The following ARHGAP15 variants were observed in gnomAD, a reference collection of about 807,000 sequenced individuals.
ARHGAP15 encodes Rho GTPase activating protein 15.
In ARHGAP15, 51 loss-of-function variants were observed where a neutral mutation model predicts 63.7. The observed-to-expected ratio is 0.80, with a 90% confidence interval of 0.64 to 1.01. The LOEUF is 1.01. Ranked by LOEUF, ARHGAP15 falls within the 50% of genes least tolerant of loss-of-function variation. The pLI, the probability that ARHGAP15 is intolerant of heterozygous loss-of-function variation, is 0.00. For synonymous variants in ARHGAP15, 191 were observed against 193.8 expected (o/e 0.99, Z 0.12); for missense variants, 560 against 564.6 (o/e 0.99, Z 0.08).
chr2:143,739,538 T>C (rs1685880459), intron 13 of ARHGAP15, among the ~76,000 whole-genome samples: 1 of 152,104 alleles, frequency 6.6e-6, no homozygotes, highest in Non-Finnish European at 1.5e-5. Flanking sequence ...AAAATTAAAA[T>C]TTGCTCAAAG....
chr2:143,545,762 A>G (rs1360723010), intron 10 of ARHGAP15, among the ~76,000 whole-genome samples: 1 of 151,984 alleles, frequency 6.6e-6, no homozygotes. Context: ...TTTTTTTCCT[A>G]CGTCTTCAGC....
intron 2 of ARHGAP15, among the ~76,000 whole-genome samples, chr2:143,163,407 T>C (rs1690375405): frequency 6.6e-6 from 1 of 151,452 alleles, no homozygotes; most frequent in Admixed American, 6.6e-5. Context: ...TATAGATATA[T>C]AGAATATATA....
chr2:143,670,993 A>T (rs1361444087), intron 12 of ARHGAP15, among the ~76,000 whole-genome samples: 1 of 152,166 alleles, frequency 6.6e-6, no homozygotes, highest in South Asian at 2.1e-4. Context: ...TCTGGCTTTC[A>T]TTACACTACA....
intron 6 of ARHGAP15, among the ~76,000 whole-genome samples, chr2:143,420,861 G>A (rs1688887750): frequency 6.6e-6 from 1 of 152,130 alleles, no homozygotes; most frequent in Admixed American, 6.6e-5. Context: ...TGCATTAATG[G>A]GAATTTAAGA....
intron 6 of ARHGAP15, among the ~76,000 whole-genome samples, chr2:143,321,696 AT>A (rs1160729457): frequency 1.1e-4 from 17 of 152,326 alleles, no homozygotes; most frequent in African/African-American, 4.1e-4. Flanking sequence ...ATCTATTACA[AT>A]TCTTTAGTTT....
chr2:143,643,909 ACTGAGT>A (rs2105280563), intron 12 of ARHGAP15, among the ~76,000 whole-genome samples: 1 of 152,206 alleles, frequency 6.6e-6, no homozygotes, highest in Non-Finnish European at 1.5e-5. Flanking sequence ...ACAGTAGAAA[ACTGAGT>A]CAAACACAAA....
intron 6 of ARHGAP15, among the ~76,000 whole-genome samples, chr2:143,359,276 C>A (rs1367317499): frequency 1.3e-5 from 2 of 152,106 alleles, no homozygotes; most frequent in African/African-American, 4.8e-5. Flanking sequence ...GAGGGAATTT[C>A]TTATAACCTT....
At chr2:143,271,655 T>C (rs1681289477) in intron 6 of ARHGAP15, among the ~76,000 whole-genome samples, 1 of 152,206 alleles carries the variant, frequency 6.6e-6, no homozygotes, top group South Asian at 2.1e-4. Flanking sequence ...TTTTTGTAAC[T>C]TTAGTAGAGA....
chr2:143,379,094 A>C (rs1558931724), intron 6 of ARHGAP15, among the ~76,000 whole-genome samples: 1 of 152,184 alleles, frequency 6.6e-6, no homozygotes, highest in Non-Finnish European at 1.5e-5. Flanking sequence ...TTAGAACTTC[A>C]AATTTCCACA....
At chr2:143,215,562 G>A (rs991075197) in intron 3 of ARHGAP15, among the ~76,000 whole-genome samples, 6 of 152,128 alleles carry the variant, frequency 3.9e-5, no homozygotes, top group Non-Finnish European at 8.8e-5. Context: ...AAGGGTGTGG[G>A]CAATTCACTA....
intron 6 of ARHGAP15, among the ~76,000 whole-genome samples, chr2:143,396,166 C>T (rs77636653): frequency 0.037 from 5,655 of 152,142 alleles, 131 homozygotes; most frequent in Non-Finnish European, 0.056. Flanking sequence ...TCATCAAAAA[C>T]GAGGTAAAAG....
At chr2:143,558,913 A>G (rs887374482) in intron 11 of ARHGAP15, among the ~76,000 whole-genome samples, 9 of 152,104 alleles carry the variant, frequency 5.9e-5, no homozygotes, top group African/African-American at 1.9e-4. Flanking sequence ...CTTGTTCACT[A>G]ATGCAATTCT....
chr2:143,648,049 T>C (rs1242574157), intron 12 of ARHGAP15, among the ~76,000 whole-genome samples: 1 of 152,036 alleles, frequency 6.6e-6, no homozygotes, highest in East Asian at 1.9e-4. Context: ...ACCCAGCTTG[T>C]TCCCTACATC....
At chr2:143,501,561 C>A (rs1012389040) in intron 9 of ARHGAP15, among the ~76,000 whole-genome samples, 2 of 152,174 alleles carry the variant, frequency 1.3e-5, no homozygotes, top group African/African-American at 4.8e-5. Context: ...AAACAGAATT[C>A]CAAATGATGT....
chr2:143,263,321 A>G (rs549107833), intron 6 of ARHGAP15, among the ~76,000 whole-genome samples: 12 of 152,322 alleles, frequency 7.9e-5, no homozygotes, highest in African/African-American at 2.6e-4. Flanking sequence ...CAGAGACACC[A>G]TAATCAGAGA....
At chr2:143,488,510 C>A (rs1290097252) in intron 9 of ARHGAP15, among the ~76,000 whole-genome samples, 4 of 152,076 alleles carry the variant, frequency 2.6e-5, no homozygotes, top group Non-Finnish European at 4.4e-5. Context: ...CTTATGTGTA[C>A]ATTTTGAAAA....
intron 4 of ARHGAP15, among the ~76,000 whole-genome samples, chr2:143,219,937 G>A (rs1485482177): frequency 6.6e-6 from 1 of 152,010 alleles, no homozygotes; most frequent in Non-Finnish European, 1.5e-5. Flanking sequence ...TAATATATTT[G>A]GGATAATAAT....
chr2:143,577,204 T>A, intron 11 of ARHGAP15, among the ~76,000 whole-genome samples: 1 of 152,156 alleles, frequency 6.6e-6, no homozygotes, highest in East Asian at 1.9e-4. Context: ...TTGACTTAAG[T>A]CATCTGTTGA....
At chr2:143,418,515 GAT>G (rs1558958263) in intron 6 of ARHGAP15, among the ~76,000 whole-genome samples, 2 of 152,034 alleles carry the variant, frequency 1.3e-5, no homozygotes, top group Admixed American at 6.5e-5. Flanking sequence ...AATTAATATA[GAT>G]ATAATATACA....
Sources: allele counts gnomAD v4.1 joint callset (sites outside exome capture counted in the v4.1 genomes callset), GRCh38; gene constraint gnomAD v4.1.1; transcripts MANE v1.5; gene names NCBI Gene and HGNC (gene_info 2026-07-23, HGNC 2026-07-21).